The following XKR9 variants were observed in gnomAD, a reference collection of about 807,000 sequenced individuals.
XKR9 encodes the protein XK-related protein 9.
Under a neutral mutation model 32.0 loss-of-function variants are expected in XKR9, and 32 were observed. The ratio of observed to expected loss-of-function variants is 1.00; its 90% CI spans 0.76 to 1.34. XKR9 has a LOEUF of 1.34. Ranked by LOEUF, XKR9 falls within the 40% of genes most tolerant of loss-of-function variation. XKR9 has a pLI of 0.00. For synonymous variants in XKR9, 168 were observed against 143.4 expected (o/e 1.17, Z -1.22); for missense variants, 546 against 429.7 (o/e 1.27, Z -2.39).
At chr8:70,714,395 A>G (rs1388033645) in intron 4 of XKR9, among the ~76,000 whole-genome samples, 3 of 151,958 alleles carry the variant, frequency 2.0e-5, no homozygotes, top group Non-Finnish European at 2.9e-5. Flanking sequence ...AAGAAAAATA[A>G]TATATTTTTA....
chr8:70,871,871 GT>G, the XKR9 span, among the ~76,000 whole-genome samples: 1 of 152,196 alleles, frequency 6.6e-6, no homozygotes, highest in African/African-American at 2.4e-5. Flanking sequence ...TAGCCAAATT[GT>G]GAATGCAAAG....
At chr8:70,899,537 C>G in the XKR9 span, among the ~76,000 whole-genome samples, 9 of 151,120 alleles carry the variant, frequency 6.0e-5, no homozygotes, top group Non-Finnish European at 1.2e-4. Context: ...GTAAATAAAA[C>G]TGTAAAACTC....
chr8:70,798,906 A>G, the XKR9 span, among the ~76,000 whole-genome samples: 1 of 152,204 alleles, frequency 6.6e-6, no homozygotes, highest in South Asian at 2.1e-4. Context: ...CCACTGGTCT[A>G]TGTGTCTGTT....
At chr8:70,961,024 G>A in the XKR9 span, among the ~76,000 whole-genome samples, 1 of 152,150 alleles carries the variant, frequency 6.6e-6, no homozygotes, top group African/African-American at 2.4e-5. Flanking sequence ...ACAAAAATTA[G>A]CCGGGTACGA....
At chr8:71,017,330 T>C in the XKR9 span, among the ~76,000 whole-genome samples, 1 of 152,194 alleles carries the variant, frequency 6.6e-6, no homozygotes, top group Non-Finnish European at 1.5e-5. Context: ...TGCTAACCAG[T>C]TCACAACAGT....
chr8:70,712,529 A>G (rs1355185088), intron 4 of XKR9, among the ~76,000 whole-genome samples: 1 of 152,050 alleles, frequency 6.6e-6, no homozygotes, highest in East Asian at 1.9e-4. Context: ...AATCCATAAA[A>G]CTGGGACTCC....
At chr8:70,963,298 C>T in the XKR9 span, among the ~76,000 whole-genome samples, 8 of 152,290 alleles carry the variant, frequency 5.3e-5, no homozygotes, top group African/African-American at 1.9e-4. Context: ...GACATGATCT[C>T]ATTTCTTTTT....
At chr8:71,047,782 T>C in the XKR9 span, among the ~76,000 whole-genome samples, 1 of 152,228 alleles carries the variant, frequency 6.6e-6, no homozygotes, top group Non-Finnish European at 1.5e-5. Flanking sequence ...TCAATAAATG[T>C]GTGCGAGTGA....
the XKR9 span, among the ~76,000 whole-genome samples, chr8:70,870,655 T>C: frequency 6.6e-6 from 1 of 152,228 alleles, no homozygotes; most frequent in African/African-American, 2.4e-5. Flanking sequence ...GAAAAGTTGA[T>C]AGAAGTGTTT....
chr8:70,935,132 C>CAT, the XKR9 span, among the ~76,000 whole-genome samples: 3 of 145,990 alleles, frequency 2.1e-5, no homozygotes, highest in Non-Finnish European at 4.5e-5. Flanking sequence ...CACACACACA[C>CAT]ATATATATAC....
At chr8:70,960,468 G>A in the XKR9 span, among the ~76,000 whole-genome samples, 4 of 152,096 alleles carry the variant, frequency 2.6e-5, no homozygotes, top group African/African-American at 7.2e-5. Context: ...ACCCATACTT[G>A]TCCAATGGGA....
At chr8:70,893,511 C>G in the XKR9 span, among the ~76,000 whole-genome samples, 1 of 152,042 alleles carries the variant, frequency 6.6e-6, no homozygotes, top group African/African-American at 2.4e-5. Flanking sequence ...AGAATTTCAC[C>G]TGTAGTTAAT....
chr8:70,956,696 G>A, the XKR9 span, among the ~76,000 whole-genome samples: 2 of 152,206 alleles, frequency 1.3e-5, no homozygotes, highest in African/African-American at 4.8e-5. Flanking sequence ...TCTGGAGGTG[G>A]CCAAGTAGGA....
chr8:70,846,582 A>T, the XKR9 span, among the ~76,000 whole-genome samples: 2 of 152,046 alleles, frequency 1.3e-5, no homozygotes, highest in African/African-American at 4.8e-5. Context: ...AAAGATATAG[A>T]TTGGCTGAAT....
chr8:70,924,001 G>A, the XKR9 span, among the ~76,000 whole-genome samples: 1 of 152,040 alleles, frequency 6.6e-6, no homozygotes, highest in Non-Finnish European at 1.5e-5. Flanking sequence ...TTGGTGAACT[G>A]GTTCTCTCAA....
At chr8:70,742,107 G>C (rs940491244) in intron 2 of XKR9, among the ~76,000 whole-genome samples, 4 of 151,562 alleles carry the variant, frequency 2.6e-5, no homozygotes, top group Non-Finnish European at 4.4e-5. Flanking sequence ...ATCTTCTTTG[G>C]AGAACTCTCT....
the XKR9 span, among the ~76,000 whole-genome samples, chr8:70,828,750 A>G: frequency 1.3e-5 from 2 of 151,310 alleles, no homozygotes; most frequent in African/African-American, 4.8e-5. Context: ...AAAAAAAGAA[A>G]GACTGGTGGG....
the XKR9 span, among the ~76,000 whole-genome samples, chr8:70,997,932 A>T: frequency 6.6e-6 from 1 of 152,110 alleles, no homozygotes; most frequent in Non-Finnish European, 1.5e-5. Context: ...TAGGAAATAT[A>T]TTTTAGGCCA....
the XKR9 span, among the ~76,000 whole-genome samples, chr8:70,806,457 TAAA>T: frequency 6.6e-6 from 1 of 152,062 alleles, no homozygotes; most frequent in Non-Finnish European, 1.5e-5. Context: ...AGACAGTTGA[TAAA>T]AAACTACGCT....
Sources: allele counts gnomAD v4.1 joint callset (sites outside exome capture counted in the v4.1 genomes callset), GRCh38; gene constraint gnomAD v4.1.1; transcripts MANE v1.5; gene names NCBI Gene and HGNC (gene_info 2026-07-23, HGNC 2026-07-21).